The following LAMP3 variants were observed in gnomAD, a reference collection of about 807,000 sequenced individuals.
LAMP3 encodes the protein lysosome-associated membrane glycoprotein 3.
A neutral mutation model predicts 34.8 loss-of-function variants in LAMP3; 26 were observed. The observed-to-expected ratio is 0.75, with a 90% CI of 0.55 to 1.04. The LOEUF is 1.04. Among genes scored for constraint, LAMP3 ranks in the 50% least tolerant of loss-of-function variants. The pLI, the probability that LAMP3 is intolerant of heterozygous loss-of-function variation, is 0.00. For missense variants in LAMP3, 495 were observed against 524.0 expected (o/e 0.94, Z 0.54); for synonymous variants, 180 against 201.9 (o/e 0.89, Z 0.92).
chr3:183,152,557 A>C (rs1720674629), intron 2 of LAMP3, 54 bp from the exon 3 acceptor site: 3 of 1,522,232 alleles, frequency 2.0e-6, no homozygotes, highest in Non-Finnish European at 2.7e-6. Context: ...AACTCTAGCT[A>C]GGGAACCAGA....
intron 4 of LAMP3, among the ~76,000 whole-genome samples, chr3:183,139,683 T>C (rs1720213936): frequency 4.6e-5 from 7 of 152,212 alleles, no homozygotes; most frequent in Admixed American, 4.6e-4. Flanking sequence ...GAAACTCTAA[T>C]TGTACTGTAC....
At chr3:183,163,203 G>A (rs902738236), upstream of LAMP3, among the ~76,000 whole-genome samples, 2 of 151,708 alleles carry the variant, frequency 1.3e-5, no homozygotes, top group Non-Finnish European at 2.9e-5. Context: ...TGATTCGCCC[G>A]CCTCGACCTC....
In LAMP3 at chr3:183,162,704, CCCCGAATCGGTG is replaced by C. The variant is rs1721016284; in HGVS notation, c.-61_-50del. ...CAGCGTGCGGCGAAGTCCGGGCAGG[CCCCGAATCGGTG>C]CCAGAGAAACCTACCTGTGCCGGAG... On this transcript the variant is annotated 5_prime_UTR_variant, in exon 1 of 6. Transcript: ENST00000265598. 6.8e-7 allele frequency: 1 copy of C among 1,475,420 alleles called. No individual in the cohort carries two copies. Among genetic ancestry groups the C allele is most frequent in the Non-Finnish European group, 8.9e-7 (1 of 1,118,992 alleles). The allele number at this position is 1,475,420 out of a possible 1,614,324, so 91.4% of individuals were successfully genotyped here.
chr3:183,128,364 G>A (rs955176191), intron 5 of LAMP3, among the ~76,000 whole-genome samples: 2 of 151,960 alleles, frequency 1.3e-5, no homozygotes, highest in African/African-American at 2.4e-5. Context: ...ATACTATTAT[G>A]CACTATGATT....
rs771390615 is a variant in LAMP3, at chr3:183,124,067, C to T, written c.*14G>A. 5 of 1,613,792 alleles carry T rather than the reference C, an allele frequency of 3.1e-6. No homozygotes were observed. Among genetic ancestry groups the T allele is most frequent in the Non-Finnish European group, 2.5e-6 (3 of 1,179,852 alleles). ...TCTCTAAATTCCATTATTTTCATTC[C>T]CCCCGGGCAACAATTAGATTCTCTG... On this transcript the variant is annotated 3_prime_UTR_variant, in exon 6 of 6. Transcript: ENST00000265598.
Position 183,153,943 on chromosome 3 carries a change from G to C in LAMP3, c.498C>G (p.Thr166=), listed in dbSNP as rs765747386. The change falls in exon 2 of 6, where the codon ACC becomes ACG. Residue 166 remains threonine (T), a synonymous_variant. Coordinates refer to ENST00000265598, the MANE Select transcript of LAMP3 (RefSeq NM_014398.4). ...TGNTTQPSNQ[T]TLPATLSIAL... ...CTATCGATAAAGTTGCTGGAAGGGT[G>C]GTCTGGTTACTGGGTTGAGTGGTGT... 6.2e-7 allele frequency: 1 copy of C among 1,614,154 alleles called. No individual in the cohort carries two copies. The highest frequency in any genetic ancestry group is 1.7e-5 in the Admixed American group (1 of 60,004).
intron 4 of LAMP3, among the ~76,000 whole-genome samples, chr3:183,140,246 A>G (rs1720233025): frequency 6.6e-6 from 1 of 151,884 alleles, no homozygotes; most frequent in Non-Finnish European, 1.5e-5. Context: ...ATCTCTACTA[A>G]AAATACAAAA....
At chr3:183,132,399 AAAGT>A (rs2108596741) in intron 5 of LAMP3, 6 of 973,346 alleles carry the variant, frequency 6.2e-6, no homozygotes, top group South Asian at 4.8e-5. Flanking sequence ...TGGTTTTTTT[AAAGT>A]AATGTTTTTA....
chr3:183,139,303 T>A (rs887734353), intron 4 of LAMP3, among the ~76,000 whole-genome samples: 4 of 150,748 alleles, frequency 2.7e-5, no homozygotes, highest in African/African-American at 9.8e-5. Flanking sequence ...TGCAGGAGAA[T>A]CGCTTGAATC....
In LAMP3 at chr3:183,154,176, C is replaced by T. The variant is rs138277927; in HGVS notation, c.265G>A (p.Ala89Thr). The T allele has an allele frequency of 8.8e-5, 142 of 1,613,766 alleles. No individual in the cohort carries two copies. The African/African-American group carries it at 1.7e-3, about 19-fold the overall frequency. Reference sequence around the variant, plus strand: ...GTGGTTGCAGTGTTTTTTGTAGTCGCTGGGGTAGTTGTTGGAATTTTTACT... The same window carrying T: ...GTGGTTGCAGTGTTTTTTGTAGTCGTTGGGGTAGTTGTTGGAATTTTTACT... ...ATVKIPTTTP[A>T]TTKNTATTSP... Residue 89 changes from alanine to threonine, a missense_variant, in exon 2 of 6, where the codon GCG becomes ACG. Physicochemically the swap from Ala to Thr is moderately conservative, Grantham distance 58. Transcript: ENST00000265598.
Position 183,140,557 on chromosome 3 carries a change from A to G in LAMP3, c.927T>C (p.Tyr309=), listed in dbSNP as rs1334751087. ...ESYYISEVGA[Y]LTVSDPETIY... ...ACTAACCTGGATCTGAGACGGTCAA[A>G]TAGGCTCCCACTTCACTGATATAAT... The change falls in exon 4 of 6, where the codon TAT becomes TAC. Residue 309 remains tyrosine (Y), a synonymous_variant. Transcript: ENST00000265598. The G allele has an allele frequency of 6.2e-7, 1 of 1,605,286 alleles. No homozygotes were observed. The highest frequency in any genetic ancestry group is 8.5e-7 in the Non-Finnish European group (1 of 1,172,038).
At chr3:183,145,275 TG>T (rs1378396814) in intron 3 of LAMP3, among the ~76,000 whole-genome samples, 2 of 151,842 alleles carry the variant, frequency 1.3e-5, no homozygotes, top group Non-Finnish European at 2.9e-5. Flanking sequence ...AAAATGAAAC[TG>T]CGGGAAAAAA....
rs576071196 is a variant in LAMP3, at chr3:183,146,070, A to T, written c.889-5475T>A. Among the ~76,000 whole-genome samples the T allele has an allele frequency of 1.3e-3, 194 of 152,354 alleles. 2 individuals are homozygous for T. Among genetic ancestry groups the T allele is most frequent in the South Asian group, 8.7e-3 (42 of 4,834 alleles). On this transcript the variant is annotated intron_variant, in intron 3 of 5. Transcript: ENST00000265598. ...TCATAACATCTATTATATTATAATG[A>T]ATAAACTCACATTTTCTAAGGTTCT...
At position 183,122,985 on chromosome 3, in the gene LAMP3, A is replaced by T. The variant is rs1401903477; in HGVS notation, c.*1096T>A. 1 of 152,216 alleles carries T rather than the reference A, an allele frequency of 6.6e-6. No individual in the cohort carries two copies. The highest frequency in any genetic ancestry group is 1.5e-5 in the Non-Finnish European group (1 of 68,036). 9.4% of individuals were successfully genotyped at this position (152,216 alleles called of 1,614,324 possible). On this transcript the variant is annotated 3_prime_UTR_variant, in exon 6 of 6. Coordinates refer to ENST00000265598, the MANE Select transcript of LAMP3 (RefSeq NM_014398.4). ...ACATTTAAGTGATTCAGTTCCCTTA[A>T]GTCTCAGTTTACTCATTCACCTATA...
At chr3:183,140,376 A>T (rs1217655098) in intron 4 of LAMP3, among the ~76,000 whole-genome samples, 162 bp downstream of exon 4, 1 of 138,004 alleles carries the variant, frequency 7.2e-6, no homozygotes, top group Non-Finnish European at 1.5e-5. Flanking sequence ...GTGCCACTAC[A>T]CTCCAGCCTG....
At position 183,136,769 on chromosome 3, in the gene LAMP3, G is replaced by T. The variant is rs144026226; in HGVS notation, c.947-882C>A. 4.6e-5 allele frequency among the ~76,000 whole-genome samples: 7 copies of T among 151,914 alleles called. No individual in the cohort carries two copies. The East Asian group carries it at 1.2e-3, about 25-fold the overall frequency. On this transcript the variant is annotated intron_variant, in intron 4 of 5. Transcript: ENST00000265598. Reference sequence around the variant, plus strand: ...GATCGCCACCTGGGGAGAGAAACCTGCCTAAGGACTGGCCCTCTCTTATGA... The same window carrying T: ...GATCGCCACCTGGGGAGAGAAACCTTCCTAAGGACTGGCCCTCTCTTATGA...
chr3:183,138,394 G>A (rs1350216595), intron 4 of LAMP3, among the ~76,000 whole-genome samples: 2 of 152,104 alleles, frequency 1.3e-5, no homozygotes, highest in African/African-American at 4.8e-5. Flanking sequence ...TCATTTCTTG[G>A]CAAGTTTCTT....
intron 3 of LAMP3, among the ~76,000 whole-genome samples, chr3:183,142,168 C>G (rs1183204169): frequency 2.0e-5 from 3 of 152,148 alleles, no homozygotes; most frequent in African/African-American, 4.8e-5. Context: ...AATTTGGAGC[C>G]TCTTTTAATA....
intron 4 of LAMP3, 64 bp from the exon 5 acceptor site, chr3:183,135,951 C>A: frequency 7.4e-7 from 1 of 1,346,604 alleles, no homozygotes; most frequent in Non-Finnish European, 1.1e-6. Context: ...CCAGCTGTGG[C>A]CGGGCTGCCT....
Sources: gnomAD v4.1 joint callset for allele counts (sites outside exome capture counted in the v4.1 genomes callset) on GRCh38, gnomAD v4.1.1 for gene constraint, MANE v1.5 for transcripts, NCBI Gene and HGNC (gene_info 2026-07-23, HGNC 2026-07-21) for gene names.